DCAF8L2: variants seen among roughly 807,000 people sequenced by gnomAD.
DCAF8L2 encodes DDB1 and CUL4 associated factor 8 like 2, also known as DDB1- and CUL4-associated factor 8-like protein 2.
For missense variants in DCAF8L2, 430 were observed against 490.7 expected, an observed-to-expected ratio of 0.88 and a Z score of 1.17; for synonymous variants, 200 against 190.9, an observed-to-expected ratio of 1.05 and a Z score of -0.39.
intron 2 of DCAF8L2, among the ~76,000 whole-genome samples, chrX:27,675,827 A>T (rs1018224893): frequency 9.0e-6 from 1 of 111,691 alleles, no homozygotes; most frequent in African/African-American, 3.3e-5. Flanking sequence ...CCTGAGCTTC[A>T]TGGGATCATA....
chrX:27,667,019 C>A (rs997826985), intron 2 of DCAF8L2, among the ~76,000 whole-genome samples: 2 of 110,564 alleles, frequency 1.8e-5, no homozygotes, highest in Non-Finnish European at 3.8e-5. Flanking sequence ...GAACTTTGAA[C>A]CAGCTTCCTA....
intron 3 of DCAF8L2, among the ~76,000 whole-genome samples, chrX:27,686,146 G>A (rs1930497667): frequency 9.0e-6 from 1 of 111,027 alleles, no homozygotes; most frequent in African/African-American, 3.3e-5. Context: ...GGAGCGCAGT[G>A]TAGTAAAGCC....
rs1233146083 is a variant in DCAF8L2 at position 27,711,069 on chromosome X, A to G, written c.-142-5019A>G. ...AAAATTGAAAATAATTTGAAAAGAC[A>G]AAATTATTTTTCCTTTTGTTCTCTT... On this transcript the variant is annotated intron_variant, in intron 3 of 4. Transcript: ENST00000451261. Among the ~76,000 whole-genome samples, 3 of 112,033 alleles carry G rather than the reference A, an allele frequency of 2.7e-5. No homozygotes were observed. The Admixed American group carries it at 2.9e-4, about 11-fold the overall frequency.
the DCAF8L2 span, among the ~76,000 whole-genome samples, chrX:27,512,778 G>GAAAA: frequency 7.9e-4 from 2 of 2,521 alleles, no homozygotes; most frequent in Non-Finnish European, 5.9e-4. Flanking sequence ...ACAATCTTGA[G>GAAAA]CAAAAAAAAA....
chrX:27,510,486 G>T, the DCAF8L2 span, among the ~76,000 whole-genome samples: 3 of 93,124 alleles, frequency 3.2e-5, no homozygotes, highest in African/African-American at 9.2e-5. Context: ...TTAACAAAGA[G>T]AAATATATAT....
the DCAF8L2 span, among the ~76,000 whole-genome samples, chrX:27,473,752 C>T: frequency 9.0e-6 from 1 of 110,987 alleles, no homozygotes; most frequent in East Asian, 2.8e-4. Context: ...AGAAATCCCC[C>T]ATTATGCTAA....
At chrX:27,547,845 T>TTCTCTCTCTCTCTCTCTCTCTCTC in the DCAF8L2 span, among the ~76,000 whole-genome samples, 3 of 46,283 alleles carry the variant, frequency 6.5e-5, no homozygotes, top group Non-Finnish European at 1.3e-4. Context: ...CTCTCTCTCT[T>TTCTCTCTCTCTCTCTCTCTCTCTC]TCTCTCTCTC....
At chrX:27,517,825 A>G in the DCAF8L2 span, 1 of 1,078,190 alleles carries the variant, frequency 9.3e-7, no homozygotes, top group African/African-American at 1.8e-5. Context: ...TCTGTCGCAG[A>G]GTCTTGTACT....
At chrX:27,643,636 G>T (rs891097105) in intron 2 of DCAF8L2, among the ~76,000 whole-genome samples, 5 of 111,590 alleles carry the variant, frequency 4.5e-5, no homozygotes, top group African/African-American at 1.6e-4. Flanking sequence ...AAAACATAAT[G>T]TCCAACGTTA....
chrX:27,722,798 T>A (rs953192229), intron 4 of DCAF8L2, among the ~76,000 whole-genome samples: 14 of 111,104 alleles, frequency 1.3e-4, no homozygotes, highest in African/African-American at 4.2e-4. Flanking sequence ...CTAATGAGAT[T>A]AATATGGGAA....
intron 3 of DCAF8L2, among the ~76,000 whole-genome samples, chrX:27,692,814 A>T (rs1366217855): frequency 9.0e-6 from 1 of 111,120 alleles, no homozygotes; most frequent in Non-Finnish European, 1.9e-5. Flanking sequence ...AGGGAGAAGG[A>T]GTTCTACTAC....
At chrX:27,643,601 A>T (rs1355277730) in intron 2 of DCAF8L2, among the ~76,000 whole-genome samples, 1 of 111,859 alleles carries the variant, frequency 8.9e-6, no homozygotes, top group Non-Finnish European at 1.9e-5. Flanking sequence ...AAAGCTCTTA[A>T]AATTATTAAT....
At chrX:27,598,660 T>C (rs891251204) in intron 1 of DCAF8L2, among the ~76,000 whole-genome samples, 1 of 111,771 alleles carries the variant, frequency 8.9e-6, no homozygotes, top group Non-Finnish European at 1.9e-5. Context: ...CACAAACTGC[T>C]TAAAAGGTGA....
intron 3 of DCAF8L2, among the ~76,000 whole-genome samples, chrX:27,684,805 T>C (rs1377549794): frequency 8.9e-6 from 1 of 111,922 alleles, no homozygotes; most frequent in Admixed American, 9.5e-5. Context: ...CTCTTACATA[T>C]GATCCTGCAG....
chrX:27,526,873 C>T, the DCAF8L2 span, among the ~76,000 whole-genome samples: 7 of 112,341 alleles, frequency 6.2e-5, no homozygotes, highest in African/African-American at 9.7e-5. Flanking sequence ...GCTGTTTGAT[C>T]GTTCCTCTGG....
the DCAF8L2 span, among the ~76,000 whole-genome samples, chrX:27,490,810 C>A: frequency 9.0e-6 from 1 of 111,306 alleles, no homozygotes; most frequent in Non-Finnish European, 1.9e-5. Context: ...ATATTTCATA[C>A]AATAGTTGGT....
At chrX:27,613,661 AG>A (rs1243111218) in intron 1 of DCAF8L2, among the ~76,000 whole-genome samples, 21 of 111,643 alleles carry the variant, frequency 1.9e-4, no homozygotes, top group Non-Finnish European at 3.8e-4. Context: ...TTTAGCATGA[AG>A]GGCTGTTGAA....
chrX:27,658,864 AG>A, intron 2 of DCAF8L2, among the ~76,000 whole-genome samples: 2 of 106,486 alleles, frequency 1.9e-5, no homozygotes, highest in East Asian at 6.2e-4. Context: ...ATATTACAAA[AG>A]TATTTAGAAA....
At chrX:27,703,244 T>C (rs6526705) in intron 3 of DCAF8L2, among the ~76,000 whole-genome samples, 23,596 of 110,569 alleles carry the variant, frequency 0.21, 3,357 homozygotes, top group African/African-American at 0.51. Flanking sequence ...AGATTTAATA[T>C]TCTTAAGATA....
Sources: gnomAD v4.1 joint callset for allele counts (sites outside exome capture counted in the v4.1 genomes callset) on GRCh38, gnomAD v4.1.1 for gene constraint, MANE v1.5 for transcripts, NCBI Gene and HGNC (gene_info 2026-07-23, HGNC 2026-07-21) for gene names.